The following FSTL4 variants were observed in gnomAD, a reference collection of about 807,000 sequenced individuals.
FSTL4 encodes follistatin like 4, also known as follistatin-related protein 4.
FSTL4 carries 28 observed loss-of-function variants against 78.2 expected under a neutral mutation model. The observed-to-expected ratio is 0.36, with a 90% CI of 0.27 to 0.49. The LOEUF (loss-of-function observed/expected upper bound fraction) is 0.49, where lower values mean the gene tolerates loss of function less well. FSTL4 is among the 20% of genes least tolerant of loss of function. The pLI is 0.98. For synonymous variants in FSTL4, 422 were observed against 440.5 expected (o/e 0.96, Z 0.53); for missense variants, 922 against 1,084.9 (o/e 0.85, Z 2.11).
intron 3 of FSTL4, among the ~76,000 whole-genome samples, chr5:133,506,242 G>A (rs1237021646): frequency 1.3e-5 from 2 of 152,220 alleles, no homozygotes; most frequent in Admixed American, 6.5e-5. Flanking sequence ...TTTAGTCCAT[G>A]TGTTTCCCTA....
intron 3 of FSTL4, among the ~76,000 whole-genome samples, chr5:133,448,738 GC>G (rs1391155695): frequency 0.02 from 1,534 of 75,362 alleles, 22 homozygotes; most frequent in Non-Finnish European, 0.041. Context: ...GGGTGCGGGG[GC>G]GGGGGGGGGG....
the FSTL4 span, among the ~76,000 whole-genome samples, chr5:133,648,333 AG>A: frequency 6.6e-6 from 1 of 152,208 alleles, no homozygotes; most frequent in Non-Finnish European, 1.5e-5. Context: ...TAGTAGCCCA[AG>A]GGGGCAGCTT....
intron 4 of FSTL4, among the ~76,000 whole-genome samples, chr5:133,371,625 T>G (rs891960701): frequency 6.6e-6 from 1 of 152,240 alleles, no homozygotes; most frequent in East Asian, 1.9e-4. Flanking sequence ...TGTCAGATGA[T>G]TCATGTGCGT....
the FSTL4 span, among the ~76,000 whole-genome samples, chr5:133,705,528 G>A: frequency 1.8e-3 from 271 of 152,262 alleles, 2 homozygotes; most frequent in African/African-American, 6.4e-3. Flanking sequence ...CTCTGGGGCT[G>A]CCTCAGTTGG....
intron 4 of FSTL4, among the ~76,000 whole-genome samples, chr5:133,384,980 A>G (rs781425140): frequency 1.4e-4 from 21 of 152,298 alleles, no homozygotes; most frequent in Admixed American, 4.6e-4. Flanking sequence ...CTCATCATTT[A>G]GTACTCAGTC....
the FSTL4 span, among the ~76,000 whole-genome samples, chr5:133,833,937 T>C: frequency 1.3e-5 from 2 of 152,198 alleles, no homozygotes; most frequent in African/African-American, 4.8e-5. Flanking sequence ...TAGCTCTTTA[T>C]CTAAGAGTCT....
the FSTL4 span, among the ~76,000 whole-genome samples, chr5:133,732,243 G>A: frequency 6.6e-5 from 10 of 152,196 alleles, no homozygotes; most frequent in Non-Finnish European, 5.9e-5. Flanking sequence ...GGAGGTGTGT[G>A]GTGCAGGTAC....
At chr5:133,422,356 G>A (rs1184505406) in intron 3 of FSTL4, among the ~76,000 whole-genome samples, 1 of 152,136 alleles carries the variant, frequency 6.6e-6, no homozygotes, top group East Asian at 1.9e-4. Flanking sequence ...GAAGCAGGGA[G>A]GCAGCCTAGG....
the FSTL4 span, among the ~76,000 whole-genome samples, chr5:133,805,663 C>T: frequency 3.9e-5 from 6 of 152,180 alleles, no homozygotes; most frequent in African/African-American, 1.4e-4. Flanking sequence ...AAGAATTTTT[C>T]CAAGCTCTCC....
intron 3 of FSTL4, among the ~76,000 whole-genome samples, chr5:133,509,077 C>G (rs1356614105): frequency 6.6e-6 from 1 of 152,164 alleles, no homozygotes; most frequent in Non-Finnish European, 1.5e-5. Flanking sequence ...TTCTGAGTAA[C>G]CACAGCAGTA....
chr5:133,201,847 A>ATTTCTCT, intron 15 of FSTL4, 86 bp downstream of exon 15: 1 of 720,352 alleles, frequency 1.4e-6, no homozygotes, highest in Non-Finnish European at 2.4e-6. Context: ...CAGAGAAATG[A>ATTTCTCT]GCAGGTCCCA....
At chr5:133,815,551 G>GT in the FSTL4 span, among the ~76,000 whole-genome samples, 4 of 152,188 alleles carry the variant, frequency 2.6e-5, no homozygotes, top group African/African-American at 9.7e-5. Flanking sequence ...AGTGGTAAGG[G>GT]TAATTGGCTG....
chr5:133,694,457 C>T, the FSTL4 span, among the ~76,000 whole-genome samples: 1 of 152,264 alleles, frequency 6.6e-6, no homozygotes, highest in African/African-American at 2.4e-5. Flanking sequence ...ATGTGCCAAG[C>T]ACTTTGCTAG....
the FSTL4 span, among the ~76,000 whole-genome samples, chr5:133,682,764 G>A: frequency 6.6e-6 from 1 of 152,192 alleles, no homozygotes; most frequent in Non-Finnish European, 1.5e-5. Context: ...AGGATGCGGG[G>A]TACAAACTCC....
intron 14 of FSTL4, 75 bp downstream of exon 14, chr5:133,210,116 G>A (rs1233031841): frequency 3.8e-6 from 3 of 787,514 alleles, no homozygotes; most frequent in East Asian, 2.6e-5. Flanking sequence ...GGGGAAGCAG[G>A]AGATACTTAT....
At chr5:133,438,309 G>A (rs1021079727) in intron 3 of FSTL4, among the ~76,000 whole-genome samples, 1 of 152,214 alleles carries the variant, frequency 6.6e-6, no homozygotes, top group Non-Finnish European at 1.5e-5. Flanking sequence ...GTGCTTACAG[G>A]CAAGAAGTCA....
chr5:133,295,783 C>T (rs532902376), intron 6 of FSTL4, among the ~76,000 whole-genome samples: 1 of 152,296 alleles, frequency 6.6e-6, no homozygotes, highest in African/African-American at 2.4e-5. Flanking sequence ...GCCTGGGTTT[C>T]CTCCCACCAC....
chr5:133,592,211 G>C (rs951173653), intron 2 of FSTL4, among the ~76,000 whole-genome samples: 1 of 152,142 alleles, frequency 6.6e-6, no homozygotes, highest in Non-Finnish European at 1.5e-5. Context: ...CGTCACCCAC[G>C]GTTTGGCCTG....
the FSTL4 span, among the ~76,000 whole-genome samples, chr5:133,710,149 G>A: frequency 6.6e-6 from 1 of 152,188 alleles, no homozygotes; most frequent in Non-Finnish European, 1.5e-5. Flanking sequence ...CTGGACATGA[G>A]CCATCAGCTA....
Sources: allele counts gnomAD v4.1 joint callset (sites outside exome capture counted in the v4.1 genomes callset), GRCh38; gene constraint gnomAD v4.1.1; transcripts MANE v1.5; gene names NCBI Gene and HGNC (gene_info 2026-07-23, HGNC 2026-07-21).